Variants in ARHGAP15 observed in about 807,000 individuals in gnomAD.
The protein encoded by ARHGAP15 is rho GTPase-activating protein 15.
In ARHGAP15, 51 loss-of-function variants were observed where a neutral mutation model predicts 63.7. The observed-to-expected ratio is 0.80, with a 90% CI of 0.64 to 1.01. The LOEUF (loss-of-function observed/expected upper bound fraction) is 1.01, where lower values mean the gene tolerates loss of function less well. Ranked by LOEUF, ARHGAP15 falls within the 50% of genes least tolerant of loss-of-function variation. The pLI is 0.00. For missense variants in ARHGAP15, 560 were observed against 564.6 expected (o/e 0.99, Z 0.08); for synonymous variants, 191 against 193.8 (o/e 0.99, Z 0.12).
intron 12 of ARHGAP15, among the ~76,000 whole-genome samples, chr2:143,660,960 G>T (rs1482793772): frequency 6.6e-6 from 1 of 152,306 alleles, no homozygotes; most frequent in Non-Finnish European, 1.5e-5. Flanking sequence ...AAATCAGAGT[G>T]TTCTTAGAAC....
At chr2:143,445,422 A>C (rs1022630319) in intron 8 of ARHGAP15, among the ~76,000 whole-genome samples, 1 of 152,030 alleles carries the variant, frequency 6.6e-6, no homozygotes, top group African/African-American at 2.4e-5. Flanking sequence ...TGGCCTCCCA[A>C]AGTGCTAGGA....
At chr2:143,712,192 A>G (rs897359023) in intron 13 of ARHGAP15, among the ~76,000 whole-genome samples, 4 of 152,170 alleles carry the variant, frequency 2.6e-5, no homozygotes, top group Non-Finnish European at 5.9e-5. Flanking sequence ...CAGTAGATGC[A>G]ACAGAACATG....
At chr2:143,348,197 C>T (rs958982613) in intron 6 of ARHGAP15, among the ~76,000 whole-genome samples, 5 of 152,124 alleles carry the variant, frequency 3.3e-5, no homozygotes, top group Non-Finnish European at 5.9e-5. Context: ...ACCTTGATGT[C>T]ATACTCACAA....
chr2:143,186,412 T>C (rs908477111), intron 2 of ARHGAP15, among the ~76,000 whole-genome samples: 5 of 152,218 alleles, frequency 3.3e-5, no homozygotes, highest in Non-Finnish European at 4.4e-5. Flanking sequence ...TATTACAAAA[T>C]TCGTTTATAT....
At chr2:143,466,136 G>T (rs577844231) in intron 8 of ARHGAP15, among the ~76,000 whole-genome samples, 1 of 151,890 alleles carries the variant, frequency 6.6e-6, no homozygotes, top group South Asian at 2.1e-4. Context: ...ATATCCCCAG[G>T]ATGGTAAAAT....
intron 12 of ARHGAP15, among the ~76,000 whole-genome samples, chr2:143,685,350 T>G (rs758081400): frequency 1.3e-5 from 2 of 152,194 alleles, no homozygotes; most frequent in Non-Finnish European, 2.9e-5. Flanking sequence ...TGCAAATCTG[T>G]AAGAATTTGG....
At chr2:143,153,815 CTTCTTCTTCTTCTTCT>C (rs1558779235) in intron 1 of ARHGAP15, among the ~76,000 whole-genome samples, 8 of 80,028 alleles carry the variant, frequency 1.0e-4, no homozygotes, top group South Asian at 6.2e-4. Context: ...TCTTCTTCTT[CTTCTTCTTCTTCTTCT>C]TCTTCTTCTT....
chr2:143,197,388 A>G (rs1558807768), intron 2 of ARHGAP15, among the ~76,000 whole-genome samples: 1 of 151,980 alleles, frequency 6.6e-6, no homozygotes, highest in Non-Finnish European at 1.5e-5. Flanking sequence ...CTATTAATCG[A>G]TATCTATATA....
At chr2:143,197,984 A>T (rs1223614251) in intron 2 of ARHGAP15, among the ~76,000 whole-genome samples, 1 of 151,812 alleles carries the variant, frequency 6.6e-6, no homozygotes, top group Non-Finnish European at 1.5e-5. Flanking sequence ...ACACACACAC[A>T]CACACACACA....
chr2:143,305,408 C>A (rs1369578055), intron 6 of ARHGAP15: 1 of 151,962 alleles, frequency 6.6e-6, no homozygotes, highest in East Asian at 1.9e-4. Context: ...ACCACCATGG[C>A]ACGTGTGTAG....
chr2:143,636,764 T>C (rs1352963615), intron 12 of ARHGAP15, among the ~76,000 whole-genome samples: 1 of 152,098 alleles, frequency 6.6e-6, no homozygotes, highest in Non-Finnish European at 1.5e-5. Flanking sequence ...ATCACCAAGA[T>C]CACACTCCCT....
chr2:143,287,403 A>C (rs1682159501), intron 6 of ARHGAP15, among the ~76,000 whole-genome samples: 1 of 151,944 alleles, frequency 6.6e-6, no homozygotes. Flanking sequence ...TTATGACATC[A>C]GCCTGTCACC....
At chr2:143,470,601 G>A (rs1182170928) in intron 8 of ARHGAP15, among the ~76,000 whole-genome samples, 1 of 150,152 alleles carries the variant, frequency 6.7e-6, no homozygotes, top group African/African-American at 2.4e-5. Context: ...ATATGCATGT[G>A]TGTGTATATA....
intron 4 of ARHGAP15, among the ~76,000 whole-genome samples, chr2:143,227,811 G>A (rs772411075): frequency 4.0e-5 from 6 of 151,886 alleles, no homozygotes; most frequent in East Asian, 1.9e-4. Flanking sequence ...ATACAGACTC[G>A]GCAATTTGTG....
chr2:143,487,520 T>G lies in ARHGAP15; in HGVS notation c.826+25T>G, dbSNP rs368748626. On this transcript the variant is annotated intron_variant, in intron 9 of 13. Transcript: ENST00000295095. Reference sequence around the variant, plus strand: ...GGTACAGGTCATTTTATACTTGTACTATAACTGTGATAAATGAATGTGCCT... The same window carrying G: ...GGTACAGGTCATTTTATACTTGTACGATAACTGTGATAAATGAATGTGCCT... 6.6e-5 allele frequency: 106 copies of G among 1,601,016 alleles called. No individual in the cohort carries two copies. The African/African-American group carries it at 1.3e-3, about 19-fold the overall frequency.
chr2:143,655,396 T>C (rs1212854157), intron 12 of ARHGAP15, among the ~76,000 whole-genome samples: 1 of 133,310 alleles, frequency 7.5e-6, no homozygotes, highest in African/African-American at 2.5e-5. Flanking sequence ...GGGTTTGAAT[T>C]TGGGCCCTGC....
At chr2:143,505,984 A>C (rs1693294617) in intron 9 of ARHGAP15, among the ~76,000 whole-genome samples, 1 of 152,194 alleles carries the variant, frequency 6.6e-6, no homozygotes, top group African/African-American at 2.4e-5. Flanking sequence ...TTGATATTCA[A>C]ACCTGTTATG....
At chr2:143,592,865 GA>G (rs1697373341) in intron 11 of ARHGAP15, among the ~76,000 whole-genome samples, 1 of 152,278 alleles carries the variant, frequency 6.6e-6, no homozygotes, top group East Asian at 1.9e-4. Flanking sequence ...CTTTTGTGGG[GA>G]AAGAACCATT....
At chr2:143,146,396 C>A (rs1421874152) in intron 1 of ARHGAP15, among the ~76,000 whole-genome samples, 1 of 151,884 alleles carries the variant, frequency 6.6e-6, no homozygotes, top group African/African-American at 2.4e-5. Flanking sequence ...AAAATAGACC[C>A]TTTAGGTTTT....
Sources: allele counts gnomAD v4.1 joint callset (sites outside exome capture counted in the v4.1 genomes callset), GRCh38; gene constraint gnomAD v4.1.1; transcripts MANE v1.5; gene names NCBI Gene and HGNC (gene_info 2026-07-23, HGNC 2026-07-21).